PLPPR1: variants seen among roughly 807,000 people sequenced by gnomAD.
PLPPR1 encodes the protein phospholipid phosphatase-related protein type 1.
Under a neutral mutation model 33.1 loss-of-function variants are expected in PLPPR1, and 10 were observed. The ratio of observed to expected loss-of-function variants is 0.30; its 90% CI spans 0.19 to 0.51. The LOEUF (loss-of-function observed/expected upper bound fraction) is 0.51, where lower values mean the gene tolerates loss of function less well. Among genes scored for constraint, PLPPR1 ranks in the 20% least tolerant of loss-of-function variants. The pLI, the probability that PLPPR1 is intolerant of heterozygous loss-of-function variation, is 0.97. For missense variants in PLPPR1, 304 were observed against 408.1 expected, an observed-to-expected ratio of 0.74 and a Z score of 2.20; for synonymous variants, 151 against 151.0, an observed-to-expected ratio of 1.00 and a Z score of 0.00.
At chr9:101,248,570 T>C (rs184776057) in intron 2 of PLPPR1, among the ~76,000 whole-genome samples, 1 of 152,184 alleles carries the variant, frequency 6.6e-6, no homozygotes, top group Non-Finnish European at 1.5e-5. Context: ...AAAGGAGGCT[T>C]AGATTACTTT....
chr9:101,058,611 A>T (rs1830306691), intron 1 of PLPPR1, among the ~76,000 whole-genome samples: 1 of 152,194 alleles, frequency 6.6e-6, no homozygotes, highest in Non-Finnish European at 1.5e-5. Flanking sequence ...TAGGCAAAAT[A>T]GCATTTTGTA....
chr9:101,171,250 A>C (rs991656760), intron 1 of PLPPR1, among the ~76,000 whole-genome samples: 4 of 152,132 alleles, frequency 2.6e-5, no homozygotes, highest in African/African-American at 9.7e-5. Flanking sequence ...CATAGGAACA[A>C]AGCTGAAAGA....
chr9:101,203,778 AT>A (rs1466976110), intron 2 of PLPPR1, among the ~76,000 whole-genome samples: 1 of 151,854 alleles, frequency 6.6e-6, no homozygotes, highest in African/African-American at 2.4e-5. Flanking sequence ...TTCAGAAGTT[AT>A]TTTTACTCTA....
At chr9:101,035,376 T>C (rs1829997560) in intron 1 of PLPPR1, among the ~76,000 whole-genome samples, 1 of 152,204 alleles carries the variant, frequency 6.6e-6, no homozygotes, top group Admixed American at 6.5e-5. Context: ...TACTGTGCTA[T>C]AATCAAAGAC....
intron 2 of PLPPR1, among the ~76,000 whole-genome samples, chr9:101,262,594 G>A (rs1468003480): frequency 1.3e-5 from 2 of 152,130 alleles, no homozygotes; most frequent in Non-Finnish European, 2.9e-5. Flanking sequence ...AAGACAGTGT[G>A]GTGATTCCTC....
At chr9:101,137,436 A>G (rs1269270555) in intron 1 of PLPPR1, among the ~76,000 whole-genome samples, 2 of 152,240 alleles carry the variant, frequency 1.3e-5, no homozygotes, top group East Asian at 3.8e-4. Context: ...AGATTAAAAC[A>G]GGAGAATGTA....
chr9:101,177,897 T>C (rs1270145282), intron 1 of PLPPR1, among the ~76,000 whole-genome samples: 2 of 152,206 alleles, frequency 1.3e-5, no homozygotes, highest in African/African-American at 4.8e-5. Flanking sequence ...AAATCTGGAT[T>C]GGTATAATAA....
chr9:101,090,687 C>G (rs941232326), intron 1 of PLPPR1, among the ~76,000 whole-genome samples: 1 of 151,988 alleles, frequency 6.6e-6, no homozygotes, highest in East Asian at 1.9e-4. Context: ...CACTGCTCTC[C>G]AGCCTGGACG....
intron 1 of PLPPR1, among the ~76,000 whole-genome samples, chr9:101,078,480 G>A (rs1297917676): frequency 6.6e-6 from 1 of 152,036 alleles, no homozygotes; most frequent in African/African-American, 2.4e-5. Flanking sequence ...ATTTGTGTGT[G>A]CTTCTAGATT....
At chr9:101,186,827 G>C (rs1564169941) in intron 2 of PLPPR1, among the ~76,000 whole-genome samples, 1 of 151,880 alleles carries the variant, frequency 6.6e-6, no homozygotes, top group South Asian at 2.1e-4. Flanking sequence ...GCAGAACCAG[G>C]TAAAGATAGG....
chr9:101,219,677 A>T (rs978383834), intron 2 of PLPPR1, among the ~76,000 whole-genome samples: 9 of 152,184 alleles, frequency 5.9e-5, no homozygotes, highest in Non-Finnish European at 1.2e-4. Flanking sequence ...AGATGCAGGG[A>T]ACATGCTGTT....
intron 3 of PLPPR1, among the ~76,000 whole-genome samples, chr9:101,282,656 C>A (rs980554079): frequency 6.6e-6 from 1 of 152,122 alleles, no homozygotes; most frequent in Non-Finnish European, 1.5e-5. Flanking sequence ...ATACAGAAAA[C>A]CCTGAAGACT....
At chr9:101,244,439 T>C (rs916498263) in intron 2 of PLPPR1, among the ~76,000 whole-genome samples, 1 of 147,096 alleles carries the variant, frequency 6.8e-6, no homozygotes, top group Non-Finnish European at 1.5e-5. Flanking sequence ...GAATGAATAA[T>C]TTTTTTTTTT....
intron 2 of PLPPR1, among the ~76,000 whole-genome samples, chr9:101,219,326 T>C (rs1482870070): frequency 6.6e-6 from 1 of 152,172 alleles, no homozygotes; most frequent in East Asian, 1.9e-4. Context: ...AGCTACCTGG[T>C]ACGTGAGAAA....
intron 1 of PLPPR1, among the ~76,000 whole-genome samples, chr9:101,144,857 T>A (rs2118638753): frequency 6.6e-6 from 1 of 152,292 alleles, no homozygotes; most frequent in South Asian, 2.1e-4. Flanking sequence ...ACCTTCTCAT[T>A]CACTTATATA....
At chr9:101,305,204 AGTGTGTGTGT>A in intron 4 of PLPPR1, among the ~76,000 whole-genome samples, 1 of 150,158 alleles carries the variant, frequency 6.7e-6, no homozygotes, top group South Asian at 2.1e-4. Context: ...ATGAGGTAAA[AGTGTGTGTGT>A]GTGTGCGTGC....
chr9:101,054,568 C>G (rs1174867581), intron 1 of PLPPR1, among the ~76,000 whole-genome samples: 3 of 152,094 alleles, frequency 2.0e-5, no homozygotes, highest in African/African-American at 7.2e-5. Context: ...TTGGACAAAC[C>G]CTTCTTTTAG....
At chr9:101,255,947 G>C (rs1588097564) in intron 2 of PLPPR1, among the ~76,000 whole-genome samples, 1 of 152,110 alleles carries the variant, frequency 6.6e-6, no homozygotes, top group African/African-American at 2.4e-5. Context: ...TAGTGTCTTG[G>C]GAATTTCATC....
At chr9:101,076,232 T>G (rs185275742) in intron 1 of PLPPR1, among the ~76,000 whole-genome samples, 1 of 152,212 alleles carries the variant, frequency 6.6e-6, no homozygotes, top group African/African-American at 2.4e-5. Context: ...GATGCATGCT[T>G]AAGCTTGGAT....
Sources: allele counts gnomAD v4.1 joint callset (sites outside exome capture counted in the v4.1 genomes callset), GRCh38; gene constraint gnomAD v4.1.1; transcripts MANE v1.5; gene names NCBI Gene and HGNC (gene_info 2026-07-23, HGNC 2026-07-21).